Variants in COL5A3 observed in about 807,000 individuals in gnomAD.
COL5A3 encodes collagen alpha-3(V) chain.
A neutral mutation model predicts 250.0 loss-of-function variants in COL5A3; 172 were observed. The ratio of observed to expected loss-of-function variants is 0.69; its 90% CI spans 0.61 to 0.78. COL5A3 has a LOEUF of 0.78. COL5A3 is among the 30% of genes least tolerant of loss of function. The pLI, the probability that COL5A3 is intolerant of heterozygous loss-of-function variation, is 0.00. For missense variants in COL5A3, 2,340 were observed against 2,334.4 expected (o/e 1.00, Z -0.05); for synonymous variants, 937 against 900.4 (o/e 1.04, Z -0.73).
chr19:9,961,089 A>G (rs1270200644), intron 65 of COL5A3, among the ~76,000 whole-genome samples, 199 bp from the exon 66 acceptor site: 1 of 151,934 alleles, frequency 6.6e-6, no homozygotes, highest in Non-Finnish European at 1.5e-5. Flanking sequence ...CCACCTCTCC[A>G]TCCAGTAGGC....
At position 9,981,122 on chromosome 19, in the gene COL5A3, C is replaced by G. The variant is rs763558197; in HGVS notation, c.2471G>C (p.Gly824Ala). 1.9e-6 allele frequency: 3 copies of G among 1,613,960 alleles called. No homozygotes were observed. The highest frequency in any genetic ancestry group is 2.2e-5 in the South Asian group (2 of 91,080). Residue 824 changes from glycine (G) to alanine (A), a missense_variant, in exon 33 of 67, where the codon GGG becomes GCG. Physicochemically the swap from Gly to Ala is moderately conservative, Grantham distance 60. Coordinates refer to ENST00000264828, the MANE Select transcript of COL5A3 (RefSeq NM_015719.4). ...CCGCTCTCCTTCCAGGCCTGGCTGC[C>G]CTGTCTTTCCCTGAAAATGAATTGT... ...IGEKGKSGKT[G>A]QPGLEGERGP...
Position 9,974,085 on chromosome 19 carries a change from C to T in COL5A3, c.3504+86G>A, listed in dbSNP as rs866976371. 2.6e-6 allele frequency: 4 copies of T among 1,528,882 alleles called. No homozygotes were observed. In the South Asian group the frequency reaches 3.7e-5, roughly 14 times the overall value. 94.7% of individuals were successfully genotyped at this position (1,528,882 alleles called of 1,614,324 possible). A position where few individuals can be genotyped will look rare whatever the true frequency, so the allele number is the denominator to read the frequency against. ...GTGACCCTCAGGGCCCTTAAAATGA[C>T]AATGTCCCTCAAATGAATCTAATGC... On this transcript the variant is annotated intron_variant, in intron 47 of 66. Coordinates refer to ENST00000264828, the MANE Select transcript of COL5A3 (RefSeq NM_015719.4).
chr19:9,975,326 C>T lies in COL5A3; in HGVS notation c.3343-918G>A, dbSNP rs544703031. On this transcript the variant is annotated intron_variant, in intron 45 of 66. Coordinates refer to ENST00000264828, the MANE Select transcript of COL5A3 (RefSeq NM_015719.4). Reference sequence around the variant, plus strand: ...AACTCCTGACCTCAGGTGATCCACCCGCCTTGGCCTCCCAAAGTACTAGGA... The same window carrying T: ...AACTCCTGACCTCAGGTGATCCACCTGCCTTGGCCTCCCAAAGTACTAGGA... Among the ~76,000 whole-genome samples the T allele has an allele frequency of 1.0e-3, 158 of 152,140 alleles. 7 individuals are homozygous for T. The South Asian group carries it at 0.031, about 30-fold the overall frequency.
intron 1 of COL5A3, among the ~76,000 whole-genome samples, chr19:10,007,234 C>T (rs556082225): frequency 6.6e-6 from 1 of 152,100 alleles, no homozygotes; most frequent in East Asian, 1.9e-4. Flanking sequence ...TGATCAACTC[C>T]CTCTGACCTC....
rs762637319 is a variant in COL5A3, at chr19:9,972,901, C to T, written c.3774+18G>A. 1 of 1,555,622 alleles carries T rather than the reference C, an allele frequency of 6.4e-7. No homozygotes were observed. On this transcript the variant is annotated intron_variant, in intron 51 of 66. Coordinates refer to ENST00000264828, the MANE Select transcript of COL5A3 (RefSeq NM_015719.4). Reference sequence around the variant, plus strand: ...GTGCCCCCTCCCATGTCTGCCCCCACTTCCCCCCAGGACTCACCACGCTCC... The same window carrying T: ...GTGCCCCCTCCCATGTCTGCCCCCATTTCCCCCCAGGACTCACCACGCTCC...
rs1439316720 is a variant in COL5A3 at position 9,968,114 on chromosome 19, T to C, written c.4315-35A>G. On this transcript the variant is annotated intron_variant, in intron 59 of 66. Coordinates refer to ENST00000264828, the MANE Select transcript of COL5A3 (RefSeq NM_015719.4). This position sits in a 1 kb window ranked among gnomAD's most constrained non-coding sequence, Gnocchi z 4.1. Reference sequence around the variant, plus strand: ...GGACATCGGGTCAGTATTGGTGGGGTACACCCTATTGCCCTGACACATCCC... The same window carrying C: ...GGACATCGGGTCAGTATTGGTGGGGCACACCCTATTGCCCTGACACATCCC... The C allele has an allele frequency of 6.4e-7, 1 of 1,565,100 alleles. No individual in the cohort carries two copies. Among genetic ancestry groups the C allele is most frequent in the Non-Finnish European group, 8.7e-7 (1 of 1,155,274 alleles).
chr19:9,964,868 A>C (rs2086717886), intron 64 of COL5A3, among the ~76,000 whole-genome samples: 5 of 43,090 alleles, frequency 1.2e-4, no homozygotes, highest in African/African-American at 3.0e-4. Context: ...AAAAAAAAAA[A>C]AAAAAAAAAA....
At chr19:9,999,469 C>CTTTTTTTTTTTTTTTTTTTTTTTTTTTTT (rs530527039) in intron 8 of COL5A3, among the ~76,000 whole-genome samples, 1 of 120,400 alleles carries the variant, frequency 8.3e-6, no homozygotes, top group African/African-American at 3.4e-5. Context: ...TTTCTTTTTT[C>CTTTTTTTTTTTTTTTTTTTTTTTTTTTTT]TTTTTTTTTT....
chr19:10,005,489 C>T (rs985738295), intron 4 of COL5A3, 69 bp downstream of exon 4: 1 of 1,494,908 alleles, frequency 6.7e-7, no homozygotes, highest in African/African-American at 1.4e-5. Flanking sequence ...TTAATATCCT[C>T]TCCAGATTCA....
intron 21 of COL5A3, 77 bp from the exon 22 acceptor site, chr19:9,992,125 G>C: frequency 7.6e-7 from 1 of 1,313,692 alleles, no homozygotes. Context: ...AGAGATGCAG[G>C]TGGAAAGGTG....
intron 8 of COL5A3, among the ~76,000 whole-genome samples, chr19:9,999,255 A>G (rs1302215918): frequency 6.7e-6 from 1 of 148,558 alleles, no homozygotes; most frequent in Admixed American, 6.7e-5. Flanking sequence ...CAGGGGTACA[A>G]TCATGGCTCA....
Position 9,968,302 on chromosome 19 carries a change from C to A in COL5A3, c.4314+83G>T, listed in dbSNP as rs550193085. ...ACACACCCTCATTAATCCAGACCCACGTTTCCCAGACCCCACACCCACAGT... is the reference window on the plus strand; with the variant it reads ...ACACACCCTCATTAATCCAGACCCAAGTTTCCCAGACCCCACACCCACAGT... On this transcript the variant is annotated intron_variant, in intron 59 of 66. Coordinates refer to ENST00000264828, the MANE Select transcript of COL5A3 (RefSeq NM_015719.4). This position sits in a 1 kb window ranked among gnomAD's most constrained non-coding sequence, Gnocchi z 4.1. The A allele has an allele frequency of 2.5e-6, 3 of 1,217,014 alleles. No homozygotes were observed. The highest frequency in any genetic ancestry group is 1.5e-5 in the African/African-American group (1 of 64,958). The allele number at this position is 1,217,014 out of a possible 1,614,324, so 75.4% of individuals were successfully genotyped here. A position where few individuals can be genotyped will look rare whatever the true frequency, so the allele number is the denominator to read the frequency against.
chr19:9,995,199 C>T (rs1419447253), intron 16 of COL5A3, among the ~76,000 whole-genome samples: 11 of 152,160 alleles, frequency 7.2e-5, no homozygotes, highest in Admixed American at 2.6e-4. Flanking sequence ...TGAGCCACTG[C>T]GCGCAGCCAA....
Position 9,986,301 on chromosome 19 carries a change from GGA to G in COL5A3, c.2352+12_2352+13del, listed in dbSNP as rs756331274. The G allele has an allele frequency of 1.1e-5, 16 of 1,501,440 alleles. No homozygotes were observed. The East Asian group carries it at 3.2e-4, about 30-fold the overall frequency. 93.0% of individuals were successfully genotyped at this position (1,501,440 alleles called of 1,614,324 possible). ...CCTTGACTGTGGGAGGCTAGAGGGT[GGA>G]GAGTCATTTACCTTCTCCCCAGCTG... On this transcript the variant is annotated intron_variant, in intron 30 of 66. Transcript: ENST00000264828.
intron 1 of COL5A3, 79 bp from the exon 2 acceptor site, chr19:10,006,310 T>C: frequency 1.5e-6 from 2 of 1,377,990 alleles, no homozygotes; most frequent in Non-Finnish European, 1.9e-6. Context: ...GGATAGAGGC[T>C]CAGGGTTTTT....
chr19:10,003,656 C>T lies in COL5A3; in HGVS notation c.758G>A (p.Arg253Lys), dbSNP rs2087395758. The change falls in exon 6 of 67, where the codon AGG becomes AAG. Residue 253 changes from arginine to lysine, a missense_variant. Around this residue, in one of 3 missense-constraint regions of COL5A3, gnomAD observed 1,152 missense variants for 1,146.3 expected, o/e 1.00. Transcript: ENST00000264828. ...CCCCTTGCGACCTCGCCCTTTCTTC[C>T]TCCCTTTTCCCTTCCCCTTCCGCCG... is the stretch of plus-strand genomic sequence containing the variant. ...RPRRKGKGKG[R>K]KKGRGRKGKG... is the part of the protein sequence containing the mutation. 2 of 1,614,016 alleles carry T rather than the reference C, an allele frequency of 1.2e-6. No individual in the cohort carries two copies. The highest frequency in any genetic ancestry group is 1.3e-5 in the African/African-American group (1 of 74,892).
rs2086779784 is a variant in COL5A3, at chr19:9,968,109, T to C, written c.4315-30A>G. ...GAAAAGGACATCGGGTCAGTATTGG[T>C]GGGGTACACCCTATTGCCCTGACAC... is the stretch of plus-strand genomic sequence containing the variant. On this transcript the variant is annotated intron_variant, in intron 59 of 66. Transcript: ENST00000264828. This position sits in a 1 kb window ranked among gnomAD's most constrained non-coding sequence, Gnocchi z 4.1. 1 of 1,579,578 alleles carries C rather than the reference T, an allele frequency of 6.3e-7. No homozygotes were observed. The highest frequency in any genetic ancestry group is 1.4e-5 in the African/African-American group (1 of 72,822).
At chr19:10,007,130 T>C (rs985622446) in intron 1 of COL5A3, among the ~76,000 whole-genome samples, 1 of 148,118 alleles carries the variant, frequency 6.8e-6, no homozygotes, top group Admixed American at 6.7e-5. Context: ...ACCTCCTCCC[T>C]CTGAGCCTCC....
intron 44 of COL5A3, 49 bp downstream of exon 44, chr19:9,977,180 T>C: frequency 6.3e-7 from 1 of 1,588,362 alleles, no homozygotes; most frequent in Non-Finnish European, 8.6e-7. Flanking sequence ...TGGCCTCCTC[T>C]TTCTTCCGCT....
Sources: gnomAD v4.1 joint callset for allele counts (sites outside exome capture counted in the v4.1 genomes callset) on GRCh38, gnomAD v4.1.1 for gene constraint, gnomAD v4.1.1 regional missense constraint, Gnocchi (gnomAD v3.1) non-coding constraint, MANE v1.5 for transcripts, NCBI Gene and HGNC (gene_info 2026-07-23, HGNC 2026-07-21) for gene names.